PRRC1: variants seen among roughly 807,000 people sequenced by gnomAD.
The protein encoded by PRRC1 is proline rich coiled-coil 1.
In PRRC1, 39 loss-of-function variants were observed where a neutral mutation model predicts 40.7. That is an observed-to-expected ratio of 0.96 (90% CI 0.74 to 1.25). The LOEUF is 1.25. Ranked by LOEUF, PRRC1 falls within the 50% of genes most tolerant of loss-of-function variation. The probability of loss-of-function intolerance (pLI) is 0.00; values close to 1 mark genes in which losing one functional copy is unlikely to be tolerated. For synonymous variants in PRRC1, 175 were observed against 193.3 expected (o/e 0.91, Z 0.79); for missense variants, 573 against 548.3 (o/e 1.05, Z -0.45).
chr5:127,530,284 T>C lies in PRRC1; in HGVS notation c.655-10T>C, dbSNP rs758778696. 1.2e-5 allele frequency: 19 copies of C among 1,610,456 alleles called. No individual in the cohort carries two copies. The South Asian group carries it at 2.0e-4, about 17-fold the overall frequency. On this transcript the variant is annotated splice_polypyrimidine_tract_variant and intron_variant, in intron 4 of 8. Transcript: ENST00000296666. ...GAGTGAATACTTACATATTGATTTG[T>C]TTTATGCAGGGTGTGGCTGGGAATC...
chr5:127,530,193 G>C (rs1767729988), intron 4 of PRRC1, 101 bp from the exon 5 acceptor site: 3 of 816,366 alleles, frequency 3.7e-6, no homozygotes, highest in South Asian at 3.5e-5. Flanking sequence ...TACTGGTTTA[G>C]GATGCATTGG....
At chr5:127,522,797 A>T (rs560708310) in intron 1 of PRRC1, among the ~76,000 whole-genome samples, 43 of 151,818 alleles carry the variant, frequency 2.8e-4, no homozygotes, top group Non-Finnish European at 3.8e-4. Flanking sequence ...ATTTTTAGAG[A>T]TCTTGCTCTG....
chr5:127,528,690 C>T (rs906048818), intron 4 of PRRC1, among the ~76,000 whole-genome samples: 4 of 152,050 alleles, frequency 2.6e-5, no homozygotes, highest in African/African-American at 9.7e-5. Context: ...AAATGTTCTT[C>T]TGTGATCCCT....
chr5:127,554,156 G>C lies in PRRC1; in HGVS notation c.*2240G>C, dbSNP rs1227013841. On this transcript the variant is annotated 3_prime_UTR_variant, in exon 9 of 9. Transcript: ENST00000296666. ...AGCTTAGCCAGGTAGTCTTAGTGGT[G>C]GTGTTTAGGCATAAGATATGCTGAT... 3.1e-6 allele frequency: 1 copy of C among 321,054 alleles called. No homozygotes were observed. The highest frequency in any genetic ancestry group is 5.7e-6 in the Non-Finnish European group (1 of 174,544). 19.9% of individuals were successfully genotyped at this position (321,054 alleles called of 1,614,324 possible).
intron 7 of PRRC1, among the ~76,000 whole-genome samples, chr5:127,546,024 A>C (rs1212389549): frequency 5.3e-5 from 8 of 152,172 alleles, no homozygotes; most frequent in Admixed American, 5.2e-4. Context: ...TATGTCTTCA[A>C]AACTTGCTTC....
In PRRC1 at chr5:127,552,259, A is replaced by T. The variant is rs1463114592; in HGVS notation, c.*343A>T. ...CATGTACTTGATTATTTTGTTCTTT[A>T]AAGAAGACATTATTAAAGAACATGT... On this transcript the variant is annotated 3_prime_UTR_variant, in exon 9 of 9. Transcript: ENST00000296666. 9.5e-7 allele frequency: 1 copy of T among 1,055,938 alleles called. No homozygotes were observed. Among genetic ancestry groups the T allele is most frequent in the African/African-American group, 1.7e-5 (1 of 59,256 alleles). 65.4% of individuals were successfully genotyped at this position (1,055,938 alleles called of 1,614,324 possible).
intron 8 of PRRC1, chr5:127,548,456 CTTT>C (rs33977862): frequency 3.6e-5 from 5 of 137,634 alleles, no homozygotes; most frequent in Admixed American, 1.5e-4. Flanking sequence ...CCTTATTCCT[CTTT>C]TTTTTTTTTT....
At chr5:127,541,206 T>G (rs428226) in intron 7 of PRRC1, among the ~76,000 whole-genome samples, 66,618 of 151,476 alleles carry the variant, frequency 0.44, 15,875 homozygotes, top group African/African-American at 0.62. Context: ...AACCAGCCTT[T>G]CTTCCCAGGG....
In PRRC1 at chr5:127,526,660, C is replaced by T. The variant is rs1405478549; in HGVS notation, c.536C>T (p.Ser179Phe). The stretch of plus-strand genomic sequence containing the variant: ...ATTACTCAGCAAGCCAGTTTGACAT[C>T]TCTGGCACAGGGAACTGGAACCACA... ...TPITQQASLT[S>F]LAQGTGTTSA... is the part of the protein sequence containing the mutation. The change falls in exon 4 of 9, where the codon TCT becomes TTT. Residue 179 changes from serine (S) to phenylalanine (F), a missense_variant. Physicochemically the swap from Ser to Phe is radical, Grantham distance 155. Coordinates refer to ENST00000296666, the MANE Select transcript of PRRC1 (RefSeq NM_130809.5). 2.5e-6 allele frequency: 4 copies of T among 1,613,266 alleles called. No individual in the cohort carries two copies. In the African/African-American group the frequency reaches 5.3e-5, roughly 22 times the overall value.
Position 127,552,158 on chromosome 5 carries a change from A to G in PRRC1, c.*242A>G. On this transcript the variant is annotated 3_prime_UTR_variant, in exon 9 of 9. Transcript: ENST00000296666. The stretch of plus-strand genomic sequence containing the variant: ...TAGTACTCAAAAAAGAAAATATACA[A>G]ATCTATTTACAGCACAATTTAATAT... 1.3e-5 allele frequency: 17 copies of G among 1,294,036 alleles called. No homozygotes were observed. Among genetic ancestry groups the G allele is most frequent in the Non-Finnish European group, 1.7e-5 (17 of 1,018,266 alleles). 80.2% of individuals were successfully genotyped at this position (1,294,036 alleles called of 1,614,324 possible). A position where few individuals can be genotyped will look rare whatever the true frequency, so the allele number is the denominator to read the frequency against.
At position 127,526,723 on chromosome 5, in the gene PRRC1, G is replaced by C; in HGVS notation, c.599G>C (p.Arg200Thr). Residue 200 changes from arginine to threonine, a missense_variant, in exon 4 of 9, where the codon AGA (arginine) becomes ACA (threonine). Transcript: ENST00000296666. ...ITFPEEQEDP[R>T]ITRGQDEASA... is the part of the protein sequence containing the mutation. ...TTCCCAGAGGAGCAAGAAGACCCTAGAATTACTAGAGGTCAGGATGAAGCA... is the reference window on the plus strand; with the variant it reads ...TTCCCAGAGGAGCAAGAAGACCCTACAATTACTAGAGGTCAGGATGAAGCA... 1 of 1,613,240 alleles carries C rather than the reference G, an allele frequency of 6.2e-7. No homozygotes were observed. The highest frequency in any genetic ancestry group is 1.1e-5 in the South Asian group (1 of 90,926).
At chr5:127,543,606 G>T (rs1331673225) in intron 7 of PRRC1, among the ~76,000 whole-genome samples, 2 of 151,594 alleles carry the variant, frequency 1.3e-5, no homozygotes, top group South Asian at 2.1e-4. Flanking sequence ...TTCCCTTCTC[G>T]CTTCATTTCA....
intron 5 of PRRC1, among the ~76,000 whole-genome samples, chr5:127,532,460 C>T (rs1239555077): frequency 6.6e-6 from 1 of 152,080 alleles, no homozygotes; most frequent in South Asian, 2.1e-4. Flanking sequence ...GTAACAATTT[C>T]GTATGTGTCA....
At chr5:127,520,504 G>A (rs925870950) in intron 1 of PRRC1, among the ~76,000 whole-genome samples, 13 of 152,202 alleles carry the variant, frequency 8.5e-5, no homozygotes, top group African/African-American at 3.1e-4. Context: ...TTTGATATAT[G>A]CAGCAGCTTG....
rs1159363038 is a variant in PRRC1 at position 127,524,819 on chromosome 5, C to T, written c.392C>T (p.Ser131Leu). 6.2e-7 allele frequency: 1 copy of T among 1,614,080 alleles called. No individual in the cohort carries two copies. Among genetic ancestry groups the T allele is most frequent in the East Asian group, 2.2e-5 (1 of 44,898 alleles). Residue 131 changes from serine to leucine, a missense_variant, in exon 3 of 9, where the codon TCA (serine) becomes TTA (leucine). Transcript: ENST00000296666. ...GCACCCCCTTCGGGTCCTCCTATAT[C>T]AGGATTTTCTGTTGGTTCAACTTAT... Reference protein sequence around the residue: ...LPAPPSGPPISGFSVGSTYDI... With the variant: ...LPAPPSGPPILGFSVGSTYDI...
intron 1 of PRRC1, among the ~76,000 whole-genome samples, chr5:127,521,362 C>G (rs1377064807): frequency 6.6e-6 from 1 of 152,142 alleles, no homozygotes; most frequent in African/African-American, 2.4e-5. Context: ...ACTACTCACC[C>G]TGCTGCTCTG....
At chr5:127,545,250 C>A (rs1041892082) in intron 7 of PRRC1, among the ~76,000 whole-genome samples, 1 of 151,758 alleles carries the variant, frequency 6.6e-6, no homozygotes, top group Admixed American at 6.6e-5. Context: ...GGATCTAGAA[C>A]TAGAAATACC....
intron 1 of PRRC1, among the ~76,000 whole-genome samples, chr5:127,522,311 T>C (rs1382901525): frequency 1.3e-5 from 2 of 152,238 alleles, no homozygotes; most frequent in Non-Finnish European, 2.9e-5. Context: ...ACCTCAGATA[T>C]ACAATTTATC....
chr5:127,530,304 G>A lies in PRRC1; in HGVS notation c.665G>A (p.Gly222Glu), dbSNP rs747771075. 3.7e-6 allele frequency: 6 copies of A among 1,613,552 alleles called. No homozygotes were observed. The highest frequency in any genetic ancestry group is 1.1e-5 in the South Asian group (1 of 91,014). ...ATTTGTTTTATGCAGGGTGTGGCTG[G>A]GAATCCTATGGTGAAGTCTGTGCTT... is the stretch of plus-strand genomic sequence containing the variant. ...GIWGFIKGVA[G>E]NPMVKSVLDK... The change falls in exon 5 of 9, where the codon GGG becomes GAG. Residue 222 changes from glycine (G) to glutamate (E), a missense_variant. Physicochemically the swap from Gly to Glu is moderately conservative, Grantham distance 98. Coordinates refer to ENST00000296666, the MANE Select transcript of PRRC1 (RefSeq NM_130809.5).
Sources: allele counts gnomAD v4.1 joint callset (sites outside exome capture counted in the v4.1 genomes callset), GRCh38; gene constraint gnomAD v4.1.1; transcripts MANE v1.5; gene names NCBI Gene and HGNC (gene_info 2026-07-23, HGNC 2026-07-21).